Variants in NRG3 observed in about 807,000 individuals in gnomAD.
The protein encoded by NRG3 is neuregulin 3, also known as pro-neuregulin-3, membrane-bound isoform.
Under a neutral mutation model 66.9 loss-of-function variants are expected in NRG3, and 31 were observed. That is an observed-to-expected ratio of 0.46 (90% CI 0.35 to 0.63). The LOEUF (loss-of-function observed/expected upper bound fraction) is 0.63, where lower values mean the gene tolerates loss of function less well. Ranked by LOEUF, NRG3 falls within the 20% of genes least tolerant of loss-of-function variation. The pLI is 0.00. For missense variants in NRG3, 910 were observed against 878.9 expected, an observed-to-expected ratio of 1.04 and a Z score of -0.45; for synonymous variants, 393 against 359.4, an observed-to-expected ratio of 1.09 and a Z score of -1.06.
intron 1 of NRG3, among the ~76,000 whole-genome samples, chr10:82,291,386 GAAGTCT>G (rs1420619855): frequency 6.6e-6 from 1 of 152,100 alleles, no homozygotes; most frequent in Non-Finnish European, 1.5e-5. Context: ...TCATGTACTG[GAAGTCT>G]CACATAGTAA....
At position 82,349,349 on chromosome 10, in the gene NRG3, TG is replaced by T. The variant is rs1329863464; in HGVS notation, c.824-9384del. The stretch of plus-strand genomic sequence containing the variant: ...TTGTGAGATGTCAGTGTGCCCCTGC[TG>T]GGGGGTGCCTCCCAGTTAGGCTGCT... On this transcript the variant is annotated intron_variant, in intron 1 of 8. Transcript: ENST00000372141. Among the ~76,000 whole-genome samples the T allele has an allele frequency of 7.9e-5, 12 of 151,866 alleles. No homozygotes were observed. In the South Asian group the frequency reaches 1.5e-3, roughly 19 times the overall value.
At chr10:82,769,540 A>G (rs2059637835) in intron 3 of NRG3, among the ~76,000 whole-genome samples, 1 of 152,124 alleles carries the variant, frequency 6.6e-6, no homozygotes, top group South Asian at 2.1e-4. Flanking sequence ...TTTAAGAGTA[A>G]AGCAGTTCTT....
intron 2 of NRG3, among the ~76,000 whole-genome samples, chr10:82,633,867 G>A (rs1565149443): frequency 6.6e-6 from 1 of 152,142 alleles, no homozygotes; most frequent in Non-Finnish European, 1.5e-5. Context: ...CCACAGAAAA[G>A]CCAAATACAT....
intron 2 of NRG3, among the ~76,000 whole-genome samples, chr10:82,376,513 G>A (rs1400965825): frequency 6.6e-6 from 1 of 152,160 alleles, no homozygotes; most frequent in Non-Finnish European, 1.5e-5. Context: ...GAGTGAAACC[G>A]ACTGTGCCAA....
intron 2 of NRG3, among the ~76,000 whole-genome samples, chr10:82,549,588 A>G (rs2044167864): frequency 6.6e-6 from 1 of 152,136 alleles, no homozygotes. Flanking sequence ...TTACACTCTA[A>G]AATAGCTATT....
chr10:82,029,468 T>G (rs1051254666), intron 1 of NRG3, among the ~76,000 whole-genome samples: 3 of 152,134 alleles, frequency 2.0e-5, no homozygotes, highest in African/African-American at 7.2e-5. Flanking sequence ...ATATGATAGT[T>G]GAAAGATGTG....
At chr10:82,308,129 C>T (rs367696781) in intron 1 of NRG3, among the ~76,000 whole-genome samples, 3 of 152,012 alleles carry the variant, frequency 2.0e-5, no homozygotes, top group East Asian at 1.9e-4. Context: ...TTTTGAACTC[C>T]GAGTTGGCCC....
At chr10:82,446,874 C>T (rs1371199863) in intron 2 of NRG3, among the ~76,000 whole-genome samples, 1 of 152,174 alleles carries the variant, frequency 6.6e-6, no homozygotes, top group Non-Finnish European at 1.5e-5. Context: ...GATTTTGGTT[C>T]TGAATTGGAA....
intron 8 of NRG3, among the ~76,000 whole-genome samples, chr10:82,983,204 A>G (rs1853102723): frequency 6.6e-6 from 1 of 152,178 alleles, no homozygotes; most frequent in Admixed American, 6.5e-5. Context: ...TCACTGGTGA[A>G]CCTGACAGGC....
chr10:82,381,439 T>C (rs2135854530), intron 2 of NRG3, among the ~76,000 whole-genome samples: 1 of 152,268 alleles, frequency 6.6e-6, no homozygotes, highest in East Asian at 1.9e-4. Flanking sequence ...TCATACCCCA[T>C]TTTATAGTAG....
chr10:81,903,042 G>A (rs572272867), intron 1 of NRG3, among the ~76,000 whole-genome samples: 10 of 151,868 alleles, frequency 6.6e-5, no homozygotes, highest in African/African-American at 2.4e-4. Flanking sequence ...ATTAAGTTTC[G>A]GGCCCAAGTT....
At chr10:82,290,703 C>T (rs1172795266) in intron 1 of NRG3, among the ~76,000 whole-genome samples, 8 of 151,394 alleles carry the variant, frequency 5.3e-5, no homozygotes, top group African/African-American at 1.5e-4. Context: ...GGCGCGATCT[C>T]GGCTCACTGC....
At chr10:82,466,831 C>T (rs139507391) in intron 2 of NRG3, among the ~76,000 whole-genome samples, 8 of 148,080 alleles carry the variant, frequency 5.4e-5, no homozygotes, top group African/African-American at 2.0e-4. Context: ...GGGGCACACA[C>T]GATGAGGAGG....
Position 82,010,704 on chromosome 10 carries a change from C to T in NRG3, c.823+134541C>T, listed in dbSNP as rs865985427. Among the ~76,000 whole-genome samples, 5 of 152,246 alleles carry T rather than the reference C, an allele frequency of 3.3e-5. No homozygotes were observed. The East Asian group carries it at 5.8e-4, about 18-fold the overall frequency. On this transcript the variant is annotated intron_variant, in intron 1 of 8. Coordinates refer to ENST00000372141, the MANE Select transcript of NRG3 (RefSeq NM_001010848.4). ...AGGCACAGATGGACATTAATTGGAG[C>T]GGGTGTTTTGAGAGCCAGCACTACC...
chr10:81,963,460 A>T (rs1391782112), intron 1 of NRG3, among the ~76,000 whole-genome samples: 1 of 152,130 alleles, frequency 6.6e-6, no homozygotes, highest in African/African-American at 2.4e-5. Flanking sequence ...AGGGAATAGT[A>T]TGTTGTTCTT....
intron 1 of NRG3, among the ~76,000 whole-genome samples, chr10:82,195,503 A>T (rs539586019): frequency 5.3e-5 from 8 of 152,242 alleles, no homozygotes; most frequent in African/African-American, 1.9e-4. Context: ...GGAAAGTTCA[A>T]TCGAACAAGC....
intron 2 of NRG3, among the ~76,000 whole-genome samples, chr10:82,729,288 C>G (rs17744778): frequency 0.15 from 23,522 of 152,184 alleles, 2,291 homozygotes; most frequent in South Asian, 0.23. Context: ...CATCCATCTT[C>G]CAACAACCTG....
chr10:82,686,677 G>A (rs531136971), intron 2 of NRG3, among the ~76,000 whole-genome samples: 1 of 152,216 alleles, frequency 6.6e-6, no homozygotes, highest in South Asian at 2.1e-4. Flanking sequence ...TAACTAAAAC[G>A]TCGTTATGCA....
At chr10:82,570,654 A>G (rs1306792897) in intron 2 of NRG3, among the ~76,000 whole-genome samples, 3 of 151,624 alleles carry the variant, frequency 2.0e-5, no homozygotes, top group African/African-American at 4.8e-5. Context: ...ATCAAGATCT[A>G]TTGGTAAATA....
Sources: allele counts gnomAD v4.1 joint callset (sites outside exome capture counted in the v4.1 genomes callset), GRCh38; gene constraint gnomAD v4.1.1; transcripts MANE v1.5; gene names NCBI Gene and HGNC (gene_info 2026-07-23, HGNC 2026-07-21).